The following CADPS2 variants were observed in gnomAD, a reference collection of about 807,000 sequenced individuals.
The protein encoded by CADPS2 is calcium dependent secretion activator 2.
In CADPS2, 93 loss-of-function variants were observed where a neutral mutation model predicts 172.5. The ratio of observed to expected loss-of-function variants is 0.54; its 90% CI spans 0.46 to 0.64. The LOEUF is 0.64. Among genes scored for constraint, CADPS2 ranks in the 30% least tolerant of loss-of-function variants. The probability of loss-of-function intolerance (pLI) is 0.00; values close to 1 mark genes in which losing one functional copy is unlikely to be tolerated. For synonymous variants in CADPS2, 546 were observed against 555.2 expected, an observed-to-expected ratio of 0.98 and a Z score of 0.23; for missense variants, 1,420 against 1,565.9, an observed-to-expected ratio of 0.91 and a Z score of 1.57.
intron 2 of CADPS2, among the ~76,000 whole-genome samples, chr7:122,730,783 A>G (rs2091563200): frequency 6.6e-6 from 1 of 151,660 alleles, no homozygotes; most frequent in Admixed American, 6.6e-5. Context: ...TTAGGATGAC[A>G]AAAACATTTC....
chr7:122,422,624 A>G (rs1399776382), intron 17 of CADPS2, among the ~76,000 whole-genome samples: 1 of 152,076 alleles, frequency 6.6e-6, no homozygotes, highest in Non-Finnish European at 1.5e-5. Flanking sequence ...ATCTTAGGTA[A>G]CTCATCAATG....
intron 1 of CADPS2, among the ~76,000 whole-genome samples, chr7:122,805,089 A>G (rs1322895569): frequency 6.6e-6 from 1 of 152,164 alleles, no homozygotes; most frequent in Admixed American, 6.5e-5. Flanking sequence ...CACATGAATC[A>G]CCTTTGTAAC....
chr7:122,678,946 G>A (rs2082672987), intron 2 of CADPS2, among the ~76,000 whole-genome samples: 1 of 152,092 alleles, frequency 6.6e-6, no homozygotes, highest in Non-Finnish European at 1.5e-5. Context: ...TCCTATGCCT[G>A]TCTTTTATCT....
intron 28 of CADPS2, among the ~76,000 whole-genome samples, chr7:122,336,289 G>C (rs947518047): frequency 6.6e-6 from 1 of 152,164 alleles, no homozygotes; most frequent in African/African-American, 2.4e-5. Flanking sequence ...CACAGAGGGG[G>C]AGTACAAAAG....
chr7:122,664,461 T>G (rs2080965190), intron 2 of CADPS2, among the ~76,000 whole-genome samples: 1 of 152,160 alleles, frequency 6.6e-6, no homozygotes, highest in Admixed American at 6.5e-5. Context: ...TAGAGTAAGA[T>G]GTTCATGAGA....
At chr7:122,850,733 T>C (rs1362190357) in intron 1 of CADPS2, among the ~76,000 whole-genome samples, 1 of 152,182 alleles carries the variant, frequency 6.6e-6, no homozygotes, top group Non-Finnish European at 1.5e-5. Context: ...GCTAAGGCCT[T>C]TTAGTCCACA....
intron 7 of CADPS2, among the ~76,000 whole-genome samples, chr7:122,574,263 T>A (rs1012182154): frequency 7.3e-5 from 11 of 151,326 alleles, no homozygotes; most frequent in Non-Finnish European, 1.6e-4. Context: ...CTTGGCAACA[T>A]AGTAAATCCT....
chr7:122,642,133 A>G (rs2077721280), intron 3 of CADPS2, among the ~76,000 whole-genome samples: 1 of 152,010 alleles, frequency 6.6e-6, no homozygotes, highest in Admixed American at 6.6e-5. Context: ...TACAAAAATT[A>G]GCCAGGCATG....
intron 1 of CADPS2, among the ~76,000 whole-genome samples, chr7:122,792,684 T>G (rs1309797063): frequency 6.6e-6 from 1 of 152,200 alleles, no homozygotes; most frequent in African/African-American, 2.4e-5. Context: ...ATCTTTCCAA[T>G]AGTGTATTTT....
At chr7:122,494,642 GT>G (rs978648280) in intron 9 of CADPS2, among the ~76,000 whole-genome samples, 4 of 151,592 alleles carry the variant, frequency 2.6e-5, no homozygotes, top group South Asian at 2.1e-4. Context: ...ATAGTGTTGA[GT>G]TTTTTAAAAG....
chr7:122,602,112 G>A (rs1020226438), intron 6 of CADPS2, among the ~76,000 whole-genome samples: 4 of 151,678 alleles, frequency 2.6e-5, no homozygotes, highest in Admixed American at 6.6e-5. Flanking sequence ...AAAAGTTTCC[G>A]TTAAAGCAGG....
intron 20 of CADPS2, among the ~76,000 whole-genome samples, chr7:122,398,107 T>C (rs1159557198): frequency 6.6e-6 from 1 of 152,182 alleles, no homozygotes; most frequent in Non-Finnish European, 1.5e-5. Context: ...TGCCCAATTA[T>C]TTTGAAAATC....
intron 28 of CADPS2, among the ~76,000 whole-genome samples, chr7:122,343,264 G>C (rs1212947357): frequency 6.6e-6 from 1 of 152,136 alleles, no homozygotes; most frequent in Non-Finnish European, 1.5e-5. Flanking sequence ...CAAGTCCAGT[G>C]TTCTACCGGG....
intron 13 of CADPS2, among the ~76,000 whole-genome samples, chr7:122,472,006 A>G (rs1461743103): frequency 1.3e-5 from 2 of 152,234 alleles, no homozygotes; most frequent in East Asian, 3.8e-4. Flanking sequence ...TACATGTACT[A>G]TTTGGGAACT....
Position 122,751,821 on chromosome 7 carries a change from T to C in CADPS2, c.340-14753A>G, listed in dbSNP as rs117084963. Among the ~76,000 whole-genome samples, 725 of 152,320 alleles carry C rather than the reference T, an allele frequency of 4.8e-3. 5 individuals are homozygous for C. Among genetic ancestry groups the C allele is most frequent in the Non-Finnish European group, 8.1e-3 (554 of 68,028 alleles). On this transcript the variant is annotated intron_variant, in intron 1 of 29. Transcript: ENST00000449022. The stretch of plus-strand genomic sequence containing the variant: ...GTGAAATGCTGTGTAACTCAGGCTA[T>C]GGTATATGCATTTTGGTCCTAAGTG...
chr7:122,462,370 G>GA (rs72390156), intron 14 of CADPS2, among the ~76,000 whole-genome samples: 1 of 149,124 alleles, frequency 6.7e-6, no homozygotes, highest in Non-Finnish European at 1.5e-5. Context: ...ACTGTTAAGA[G>GA]AAAAAAAAAG....
At chr7:122,731,262 G>A (rs1308454404) in intron 2 of CADPS2, among the ~76,000 whole-genome samples, 4 of 150,806 alleles carry the variant, frequency 2.7e-5, no homozygotes, top group Non-Finnish European at 5.9e-5. Context: ...TTTTTAAGAA[G>A]CTCTAGCATC....
intron 17 of CADPS2, among the ~76,000 whole-genome samples, chr7:122,437,837 G>C (rs1334832414): frequency 6.6e-6 from 1 of 150,526 alleles, no homozygotes; most frequent in Non-Finnish European, 1.5e-5. Flanking sequence ...GTTCTCTCAA[G>C]AGATCTAATC....
intron 24 of CADPS2, among the ~76,000 whole-genome samples, chr7:122,381,260 G>C (rs894098756): frequency 2.6e-5 from 4 of 152,212 alleles, no homozygotes; most frequent in African/African-American, 9.6e-5. Flanking sequence ...TCTTGCTCCA[G>C]ATCAGTGTAT....
Sources: gnomAD v4.1 joint callset for allele counts (sites outside exome capture counted in the v4.1 genomes callset) on GRCh38, gnomAD v4.1.1 for gene constraint, MANE v1.5 for transcripts, NCBI Gene and HGNC (gene_info 2026-07-23, HGNC 2026-07-21) for gene names.